The following MYT1L variants were observed in gnomAD, a reference collection of about 807,000 sequenced individuals.
MYT1L encodes the protein myelin transcription factor 1-like protein.
In MYT1L, 12 loss-of-function variants were observed where a neutral mutation model predicts 126.7. The observed-to-expected ratio is 0.09, with a 90% CI of 0.06 to 0.15. The LOEUF (loss-of-function observed/expected upper bound fraction) is 0.15. Among genes scored for constraint, MYT1L ranks in the 10% least tolerant of loss-of-function variants. The pLI is 1.00. For synonymous variants in MYT1L, 541 were observed against 604.2 expected (o/e 0.90, Z 1.53); for missense variants, 979 against 1,585.2 (o/e 0.62, Z 6.49).
chr2:1,955,171 C>G (rs1002713129), intron 8 of MYT1L, among the ~76,000 whole-genome samples: 4 of 150,034 alleles, frequency 2.7e-5, no homozygotes, highest in African/African-American at 9.9e-5. Flanking sequence ...ATTCTACGAG[C>G]TACATGTTTG....
chr2:1,807,816 A>T (rs2035953711), intron 22 of MYT1L, among the ~76,000 whole-genome samples: 1 of 152,154 alleles, frequency 6.6e-6, no homozygotes, highest in South Asian at 2.1e-4. Context: ...TCGATCAATA[A>T]AAAACCCTGT....
chr2:1,979,391 G>T lies in MYT1L; in HGVS notation c.89+130C>A. The T allele has an allele frequency of 8.8e-7, 1 of 1,133,096 alleles. No individual in the cohort carries two copies. Among genetic ancestry groups the T allele is most frequent in the Non-Finnish European group, 1.3e-6 (1 of 751,452 alleles). 70.2% of individuals were successfully genotyped at this position (1,133,096 alleles called of 1,614,324 possible). On this transcript the variant is annotated intron_variant, in intron 7 of 24. Coordinates refer to ENST00000647738, the MANE Select transcript of MYT1L (RefSeq NM_001303052.2). This position sits in a 1 kb window ranked among gnomAD's most constrained non-coding sequence, Gnocchi z 4.0. Reference sequence around the variant, plus strand: ...AGGCTTTTTACGAGCAAGTCTCGGGGGAATTAATTTCATCAGTGCAGCAGG... The same window carrying T: ...AGGCTTTTTACGAGCAAGTCTCGGGTGAATTAATTTCATCAGTGCAGCAGG...
At chr2:2,254,313 C>T (rs1327878253) in intron 2 of MYT1L, among the ~76,000 whole-genome samples, 2 of 152,170 alleles carry the variant, frequency 1.3e-5, no homozygotes, top group Admixed American at 6.5e-5. Context: ...GATTTAGAGT[C>T]GAACTCCATC....
rs561739801 is a variant in MYT1L at position 2,330,999 on chromosome 2, G to A, written c.-553C>T. On this transcript the variant is annotated 5_prime_UTR_variant, in exon 1 of 25. Coordinates refer to ENST00000647738, the MANE Select transcript of MYT1L (RefSeq NM_001303052.2). ...TGACCACAACCGCTCACAAGCGAAA[G>A]ACAAGTTCAATTTTGGTAACTGTGC... 1.5e-4 allele frequency: 23 copies of A among 152,176 alleles called. No homozygotes were observed. The highest frequency in any genetic ancestry group is 5.5e-4 in the African/African-American group (23 of 41,526). The allele number at this position is 152,176 out of a possible 1,614,324, so 9.4% of individuals were successfully genotyped here. A position where few individuals can be genotyped will look rare whatever the true frequency, so the allele number is the denominator to read the frequency against.
At chr2:2,011,993 T>C (rs992231876) in intron 4 of MYT1L, among the ~76,000 whole-genome samples, 29 of 152,328 alleles carry the variant, frequency 1.9e-4, no homozygotes, top group African/African-American at 6.7e-4. Flanking sequence ...AGAATGTCAA[T>C]GGTGCAGTCA....
intron 3 of MYT1L, among the ~76,000 whole-genome samples, chr2:2,112,093 G>A (rs918698271): frequency 2.0e-5 from 3 of 152,172 alleles, no homozygotes; most frequent in African/African-American, 7.2e-5. Context: ...TGAGCCCAGA[G>A]CCCCCTCCCG....
At chr2:2,305,603 T>G (rs1164349550) in intron 1 of MYT1L, among the ~76,000 whole-genome samples, 1 of 152,124 alleles carries the variant, frequency 6.6e-6, no homozygotes, top group Non-Finnish European at 1.5e-5. Flanking sequence ...TATAAAGAAC[T>G]ACCTGAGACT....
At chr2:1,805,008 G>GT (rs1169209424) in intron 22 of MYT1L, among the ~76,000 whole-genome samples, 1 of 152,194 alleles carries the variant, frequency 6.6e-6, no homozygotes. Context: ...AAGGTGCCAA[G>GT]GTGCTAAGAG....
rs115259470 is a variant in MYT1L, at chr2:1,853,131, A to G, written c.2712-1428T>C. Among the ~76,000 whole-genome samples, 252 of 152,332 alleles carry G rather than the reference A, an allele frequency of 1.7e-3. 4 individuals carry two copies. The highest frequency in any genetic ancestry group is 5.8e-3 in the African/African-American group (241 of 41,578). ...CAGAACTCTAGATCTCAGGGTATAG[A>G]AGTGGATGTTTTCCACATCATATTA... On this transcript the variant is annotated intron_variant, in intron 18 of 24. Coordinates refer to ENST00000647738, the MANE Select transcript of MYT1L (RefSeq NM_001303052.2).
chr2:2,137,377 A>G (rs2083216966), intron 3 of MYT1L, among the ~76,000 whole-genome samples: 1 of 152,218 alleles, frequency 6.6e-6, no homozygotes, highest in Non-Finnish European at 1.5e-5. Flanking sequence ...AGCCTGCATC[A>G]CCAAGTCAAT....
intron 12 of MYT1L, among the ~76,000 whole-genome samples, chr2:1,911,447 A>C (rs1002676728): frequency 6.6e-6 from 1 of 152,218 alleles, no homozygotes; most frequent in South Asian, 2.1e-4. Flanking sequence ...TCAAGTCTGC[A>C]CAGGACAGGA....
intron 3 of MYT1L, among the ~76,000 whole-genome samples, chr2:2,167,891 T>C (rs557235529): frequency 1.3e-5 from 2 of 152,354 alleles, no homozygotes; most frequent in African/African-American, 2.4e-5. Context: ...TCCATTTCTA[T>C]ATAACATCTG....
chr2:2,032,993 C>G (rs1210998540), intron 4 of MYT1L, among the ~76,000 whole-genome samples: 7 of 134,824 alleles, frequency 5.2e-5, no homozygotes, highest in East Asian at 4.8e-4. Context: ...CTTATACACA[C>G]CCCCTCGCCA....
chr2:1,889,069 C>T lies in MYT1L; in HGVS notation c.2520+172G>A, dbSNP rs2048501742. On this transcript the variant is annotated intron_variant, in intron 16 of 24. Transcript: ENST00000647738. This position sits in a 1 kb window ranked among gnomAD's most constrained non-coding sequence, Gnocchi z 4.1. ...TTGTTTCACTCTAATCAATGTTAGT[C>T]GCAAATCTCTTCTGGGTCAACAAAA... 1.3e-5 allele frequency among the ~76,000 whole-genome samples: 2 copies of T among 152,122 alleles called. No individual in the cohort carries two copies. The highest frequency in any genetic ancestry group is 6.5e-5 in the Admixed American group (1 of 15,278).
At chr2:2,211,803 C>CAAAAAAAAAAAAAAAAAAACAAAAAAAA (rs35770675) in intron 2 of MYT1L, among the ~76,000 whole-genome samples, 1 of 59,738 alleles carries the variant, frequency 1.7e-5, no homozygotes. Context: ...GACTCCATGT[C>CAAAAAAAAAAAAAAAAAAACAAAAAAAA]AAAAAAAAAA....
At chr2:2,136,085 G>A (rs2083018632) in intron 3 of MYT1L, among the ~76,000 whole-genome samples, 1 of 152,198 alleles carries the variant, frequency 6.6e-6, no homozygotes, top group African/African-American at 2.4e-5. Flanking sequence ...GGACATGGAT[G>A]AAGCTGGGAA....
intron 5 of MYT1L, among the ~76,000 whole-genome samples, chr2:1,996,321 C>T (rs964361469): frequency 4.6e-5 from 7 of 150,998 alleles, no homozygotes; most frequent in Non-Finnish European, 8.9e-5. Flanking sequence ...GAGTGAGGGC[C>T]GTCTTGCCTC....
chr2:1,999,049 C>G (rs1003964727), intron 4 of MYT1L, among the ~76,000 whole-genome samples: 2 of 152,164 alleles, frequency 1.3e-5, no homozygotes, highest in Non-Finnish European at 2.9e-5. Flanking sequence ...TATAACAGCA[C>G]CACCACTTAC....
Position 1,979,746 on chromosome 2 carries a change from C to T in MYT1L, c.32G>A (p.Arg11His), listed in dbSNP as rs761734045. ...ACCTCGAACCCCTTTGGACCGCGTGCGATGCCGCTTCTCCTCGGTGTCCAC... is the reference window on the plus strand; with the variant it reads ...ACCTCGAACCCCTTTGGACCGCGTGTGATGCCGCTTCTCCTCGGTGTCCAC... MEVDTEEKRH[R>H]TRSKGVRVPV... The change falls in exon 6 of 25, where the codon CGC becomes CAC. Residue 11 changes from arginine (R) to histidine (H), a missense_variant. Physicochemically the swap from Arg to His is conservative, Grantham distance 29 (BLOSUM62 0). Around this residue, in one of 12 missense-constraint regions of MYT1L, gnomAD observed 50 missense variants for 48.6 expected, o/e 1.03. Coordinates refer to ENST00000647738, the MANE Select transcript of MYT1L (RefSeq NM_001303052.2). The surrounding 1 kb of genome is among the most constrained non-coding windows in gnomAD (Gnocchi z 4.0). 3 of 1,613,990 alleles carry T rather than the reference C, an allele frequency of 1.9e-6. No homozygotes were observed. Among genetic ancestry groups the T allele is most frequent in the Admixed American group, 1.7e-5 (1 of 60,030 alleles).
Sources: gnomAD v4.1 joint callset for allele counts (sites outside exome capture counted in the v4.1 genomes callset) on GRCh38, gnomAD v4.1.1 for gene constraint, gnomAD v4.1.1 regional missense constraint, Gnocchi (gnomAD v3.1) non-coding constraint, MANE v1.5 for transcripts, NCBI Gene and HGNC (gene_info 2026-07-23, HGNC 2026-07-21) for gene names.